The following SNTB1 variants were observed in gnomAD, a reference collection of about 807,000 sequenced individuals.
The protein encoded by SNTB1 is syntrophin beta 1, also known as beta-1-syntrophin.
SNTB1 carries 36 observed loss-of-function variants against 48.9 expected under a neutral mutation model. The ratio of observed to expected loss-of-function variants is 0.74; its 90% CI spans 0.56 to 0.97. The LOEUF (loss-of-function observed/expected upper bound fraction) is 0.97. SNTB1 is among the 50% of genes least tolerant of loss of function. The pLI, the probability that SNTB1 is intolerant of heterozygous loss-of-function variation, is 0.00. For synonymous variants in SNTB1, 299 were observed against 294.6 expected, an observed-to-expected ratio of 1.01 and a Z score of -0.15; for missense variants, 786 against 703.4, an observed-to-expected ratio of 1.12 and a Z score of -1.33.
At chr8:120,632,412 A>T in intron 3 of SNTB1, 32 bp downstream of exon 3, 1 of 1,592,596 alleles carries the variant, frequency 6.3e-7, no homozygotes, top group Non-Finnish European at 8.6e-7. Flanking sequence ...CTCGGGGAGG[A>T]CGACTATTAC....
chr8:120,614,598 T>A (rs1390294059), intron 3 of SNTB1, among the ~76,000 whole-genome samples: 1 of 152,218 alleles, frequency 6.6e-6, no homozygotes, highest in Non-Finnish European at 1.5e-5. Flanking sequence ...CAATGCCACA[T>A]GGCCACGCCT....
chr8:120,787,535 G>A (rs1361612967), intron 1 of SNTB1, among the ~76,000 whole-genome samples: 1 of 151,898 alleles, frequency 6.6e-6, no homozygotes, highest in East Asian at 1.9e-4. Flanking sequence ...ATATTTTAAA[G>A]AAAAACCATC....
chr8:120,698,636 T>C (rs553628093), intron 1 of SNTB1, among the ~76,000 whole-genome samples: 1 of 152,282 alleles, frequency 6.6e-6, no homozygotes, highest in East Asian at 1.9e-4. Flanking sequence ...GTCAAGATGG[T>C]CCTTCTTGCT....
intron 4 of SNTB1, among the ~76,000 whole-genome samples, chr8:120,559,891 C>T (rs1489992451): frequency 2.0e-5 from 3 of 151,708 alleles, no homozygotes; most frequent in Non-Finnish European, 4.4e-5. Flanking sequence ...TACTTAATTG[C>T]TGTAATTAGC....
chr8:120,574,024 A>C (rs1464914987), intron 4 of SNTB1, among the ~76,000 whole-genome samples: 3 of 152,232 alleles, frequency 2.0e-5, no homozygotes, highest in Non-Finnish European at 4.4e-5. Context: ...CATATAATTC[A>C]ATATTATTCA....
At chr8:120,800,904 A>G (rs888964246) in intron 1 of SNTB1, among the ~76,000 whole-genome samples, 1 of 152,128 alleles carries the variant, frequency 6.6e-6, no homozygotes, top group African/African-American at 2.4e-5. Context: ...AAGCAGTATA[A>G]GCATATTACT....
chr8:120,624,403 T>C (rs1816842180), intron 3 of SNTB1, among the ~76,000 whole-genome samples: 1 of 151,974 alleles, frequency 6.6e-6, no homozygotes, highest in Non-Finnish European at 1.5e-5. Context: ...TGGAAGGTGG[T>C]CAAGCATCCT....
At chr8:120,621,812 T>G (rs1394938338) in intron 3 of SNTB1, among the ~76,000 whole-genome samples, 1 of 152,068 alleles carries the variant, frequency 6.6e-6, no homozygotes, top group Non-Finnish European at 1.5e-5. Flanking sequence ...CTCTTTCTCA[T>G]TTTTCCAGAG....
intron 5 of SNTB1, among the ~76,000 whole-genome samples, chr8:120,547,179 G>A (rs941499650): frequency 1.3e-5 from 2 of 152,158 alleles, no homozygotes; most frequent in Non-Finnish European, 2.9e-5. Context: ...CACACACAGT[G>A]CAATCAAAAG....
intron 1 of SNTB1, among the ~76,000 whole-genome samples, chr8:120,696,755 G>T (rs1278296805): frequency 6.6e-6 from 1 of 152,158 alleles, no homozygotes; most frequent in Admixed American, 6.5e-5. Flanking sequence ...GCACACTGAT[G>T]CTCAGAATTT....
At chr8:120,723,301 T>C (rs1818698421) in intron 1 of SNTB1, among the ~76,000 whole-genome samples, 1 of 152,228 alleles carries the variant, frequency 6.6e-6, no homozygotes, top group African/African-American at 2.4e-5. Context: ...ACATATTATA[T>C]ATATATTGCA....
chr8:120,638,309 A>G (rs1563838206), intron 2 of SNTB1: 1 of 152,140 alleles, frequency 6.6e-6, no homozygotes. Flanking sequence ...CCACTCTCCC[A>G]CTATCCGTCT....
chr8:120,578,261 C>T (rs888863817), intron 3 of SNTB1, among the ~76,000 whole-genome samples: 2 of 151,388 alleles, frequency 1.3e-5, no homozygotes, highest in African/African-American at 2.4e-5. Context: ...AGGATGGTCT[C>T]GATCTCCTGA....
At position 120,541,844 on chromosome 8, in the gene SNTB1, A is replaced by G; in HGVS notation, c.1490T>C (p.Leu497Pro). 1 of 1,613,674 alleles carries G rather than the reference A, an allele frequency of 6.2e-7. No individual in the cohort carries two copies. The highest frequency in any genetic ancestry group is 1.1e-5 in the South Asian group (1 of 90,882). ...KMSSDDGIRM[L>P]YLDFGGKDGE... is the part of the protein sequence containing the mutation. ...ATCTTTGCCTCCAAAATCTAAATACAGCATCCTGATTCCATCATCTGAAGA... is the reference window on the plus strand; with the variant it reads ...ATCTTTGCCTCCAAAATCTAAATACGGCATCCTGATTCCATCATCTGAAGA... The change falls in exon 6 of 7, where the codon CTG (leucine) becomes CCG (proline). Residue 497 changes from leucine (L) to proline (P), a missense_variant. Coordinates refer to ENST00000517992, the MANE Select transcript of SNTB1 (RefSeq NM_021021.4).
chr8:120,603,797 T>C (rs1816464978), intron 3 of SNTB1, among the ~76,000 whole-genome samples: 1 of 152,210 alleles, frequency 6.6e-6, no homozygotes, highest in Admixed American at 6.5e-5. Context: ...TCAGACCTAA[T>C]ATTCAGTTCA....
At chr8:120,602,091 G>A (rs1167218659) in intron 3 of SNTB1, among the ~76,000 whole-genome samples, 1 of 152,110 alleles carries the variant, frequency 6.6e-6, no homozygotes, top group African/African-American at 2.4e-5. Flanking sequence ...CTTTTTGTTT[G>A]TTTTGTTTAT....
intron 2 of SNTB1, among the ~76,000 whole-genome samples, chr8:120,662,971 A>C (rs1052422354): frequency 3.2e-4 from 43 of 134,692 alleles, no homozygotes; most frequent in African/African-American, 1.1e-3. Context: ...TGGACTTCAA[A>C]GAGCTCACTG....
intron 1 of SNTB1, among the ~76,000 whole-genome samples, chr8:120,763,804 T>C (rs988343416): frequency 1.3e-5 from 2 of 150,264 alleles, no homozygotes; most frequent in African/African-American, 5.1e-5. Flanking sequence ...TTTTGTTTAT[T>C]ATGTGAGCAA....
intron 1 of SNTB1, among the ~76,000 whole-genome samples, chr8:120,700,245 G>A (rs1156475099): frequency 6.6e-6 from 1 of 151,474 alleles, no homozygotes; most frequent in Non-Finnish European, 1.5e-5. Context: ...CAATTAAGAG[G>A]CTATTGCCTG....
Sources: gnomAD v4.1 joint callset for allele counts (sites outside exome capture counted in the v4.1 genomes callset) on GRCh38, gnomAD v4.1.1 for gene constraint, MANE v1.5 for transcripts, NCBI Gene and HGNC (gene_info 2026-07-23, HGNC 2026-07-21) for gene names.